Variants in HIP1 observed in about 807,000 individuals in gnomAD.
HIP1 encodes huntingtin interacting protein 1, also known as huntingtin-interacting protein 1.
HIP1 carries 65 observed loss-of-function variants against 147.6 expected under a neutral mutation model. The ratio of observed to expected loss-of-function variants is 0.44; its 90% CI spans 0.36 to 0.54. The LOEUF (loss-of-function observed/expected upper bound fraction) is 0.54, where lower values mean the gene tolerates loss of function less well. Among genes scored for constraint, HIP1 ranks in the 20% least tolerant of loss-of-function variants. HIP1 has a pLI of 0.00. For missense variants in HIP1, 1,061 were observed against 1,299.6 expected (o/e 0.82, Z 2.82); for synonymous variants, 479 against 504.0 (o/e 0.95, Z 0.67).
In HIP1 at chr7:75,641,556, A is replaced by G. The variant is rs1270854502; in HGVS notation, c.121-42309T>C. On this transcript the variant is annotated intron_variant, in intron 1 of 30. Transcript: ENST00000336926. ...GCCCAGGCTGGAGTGCAATGGTGCA[A>G]TCTCAGCTCACCACAACCTCTGCCT... 4.6e-5 allele frequency among the ~76,000 whole-genome samples: 7 copies of G among 150,578 alleles called. 1 individual carries two copies. Among genetic ancestry groups the G allele is most frequent in the African/African-American group, 1.7e-4 (7 of 40,776 alleles).
At chr7:75,676,387 G>T (rs373914969) in intron 1 of HIP1, among the ~76,000 whole-genome samples, 39 of 152,260 alleles carry the variant, frequency 2.6e-4, no homozygotes, top group East Asian at 2.1e-3. Context: ...CAGTCCAAGG[G>T]GGGTTATTAT....
At chr7:75,570,454 G>T (rs920880081) in intron 8 of HIP1, among the ~76,000 whole-genome samples, 4 of 150,244 alleles carry the variant, frequency 2.7e-5, no homozygotes, top group Non-Finnish European at 5.9e-5. Flanking sequence ...ACCACGCCCG[G>T]CTAATTTTTT....
intron 1 of HIP1, among the ~76,000 whole-genome samples, chr7:75,652,504 C>T (rs901090965): frequency 5.9e-5 from 9 of 152,032 alleles, no homozygotes. Context: ...GCTAGGACTA[C>T]AGGTGCGTGC....
chr7:75,642,250 C>G (rs143667803), intron 1 of HIP1, among the ~76,000 whole-genome samples: 3 of 151,780 alleles, frequency 2.0e-5, no homozygotes, highest in Non-Finnish European at 2.9e-5. Flanking sequence ...AACAAAAAAC[C>G]CTTCTGGTTG....
At chr7:75,639,599 G>A (rs868934746) in intron 1 of HIP1, among the ~76,000 whole-genome samples, 15 of 151,886 alleles carry the variant, frequency 9.9e-5, no homozygotes, top group African/African-American at 3.1e-4. Flanking sequence ...GTGTGCGCCC[G>A]CGTGTGTGTG....
chr7:75,561,312 G>A lies in HIP1; in HGVS notation c.1191+17C>T. On this transcript the variant is annotated intron_variant, in intron 13 of 30. Coordinates refer to ENST00000336926, the MANE Select transcript of HIP1 (RefSeq NM_005338.7). ...TGTTTTGGTGAAGCGCAAAGGCAGA[G>A]CAGATCCAAGTTATACCTCAGTCTT... 1 of 1,564,552 alleles carries A rather than the reference G, an allele frequency of 6.4e-7. No homozygotes were observed. Among genetic ancestry groups the A allele is most frequent in the Non-Finnish European group, 8.8e-7 (1 of 1,134,778 alleles).
chr7:75,576,469 C>G (rs1795849409), intron 7 of HIP1, among the ~76,000 whole-genome samples: 1 of 152,306 alleles, frequency 6.6e-6, no homozygotes, highest in African/African-American at 2.4e-5. Context: ...TGCCTGTAAT[C>G]CCAGCACTTT....
chr7:75,617,990 G>A (rs969387643), intron 1 of HIP1, among the ~76,000 whole-genome samples: 2 of 152,312 alleles, frequency 1.3e-5, no homozygotes, highest in Admixed American at 6.5e-5. Flanking sequence ...GTGGCCTTTC[G>A]TAATGGCCCT....
chr7:75,612,240 G>A (rs1797466982), intron 1 of HIP1, among the ~76,000 whole-genome samples: 1 of 152,192 alleles, frequency 6.6e-6, no homozygotes, highest in Admixed American at 6.5e-5. Context: ...GCCGGGCACG[G>A]TGGCTCCACC....
At chr7:75,578,245 A>G (rs1795912192) in intron 7 of HIP1, among the ~76,000 whole-genome samples, 3 of 152,326 alleles carry the variant, frequency 2.0e-5, no homozygotes, top group Middle Eastern at 3.4e-3. Context: ...GCAGGCAGGC[A>G]GCCGGCTCCA....
At chr7:75,587,241 C>T (rs1309190444) in intron 4 of HIP1, among the ~76,000 whole-genome samples, 1 of 152,178 alleles carries the variant, frequency 6.6e-6, no homozygotes, top group Non-Finnish European at 1.5e-5. Flanking sequence ...CCACCACGCC[C>T]AGCTAATTTT....
At chr7:75,541,628 G>A (rs890695726) in intron 29 of HIP1, among the ~76,000 whole-genome samples, 2 of 152,052 alleles carry the variant, frequency 1.3e-5, no homozygotes, top group Non-Finnish European at 1.5e-5. Flanking sequence ...CCTGGGAGGT[G>A]GAGAGTGCGG....
intron 1 of HIP1, among the ~76,000 whole-genome samples, chr7:75,606,346 G>A (rs587771339): frequency 2.6e-5 from 4 of 152,194 alleles, no homozygotes; most frequent in South Asian, 4.2e-4. Context: ...TTAGGAGGCC[G>A]AGGGGGGCAG....
chr7:75,678,502 C>G (rs1584944456), intron 1 of HIP1, among the ~76,000 whole-genome samples: 1 of 152,100 alleles, frequency 6.6e-6, no homozygotes, highest in South Asian at 2.1e-4. Context: ...CGCCACCACA[C>G]CCGGCTAATT....
intron 1 of HIP1, among the ~76,000 whole-genome samples, chr7:75,621,173 C>T (rs1442934425): frequency 6.6e-6 from 1 of 152,260 alleles, no homozygotes; most frequent in Admixed American, 6.5e-5. Context: ...GGCCACTGCA[C>T]TCTAGCCTGG....
At chr7:75,573,663 G>A (rs1351352113) in intron 8 of HIP1, 98 bp downstream of exon 8, 1 of 1,242,490 alleles carries the variant, frequency 8.0e-7, no homozygotes, top group African/African-American at 1.5e-5. Flanking sequence ...ACAGCCAAAG[G>A]CACTGAGAAG....
intron 1 of HIP1, among the ~76,000 whole-genome samples, chr7:75,610,971 G>A (rs1554504784): frequency 6.6e-6 from 1 of 150,448 alleles, no homozygotes; most frequent in East Asian, 2.0e-4. Context: ...AGTGGTGTGA[G>A]CTTGGCTCAC....
chr7:75,659,429 TG>T (rs1174234048), intron 1 of HIP1, among the ~76,000 whole-genome samples: 1 of 152,046 alleles, frequency 6.6e-6, no homozygotes, highest in Non-Finnish European at 1.5e-5. Context: ...GAGGCCAAGG[TG>T]TGTAGATCAC....
chr7:75,721,101 G>A (rs993850464), intron 1 of HIP1, among the ~76,000 whole-genome samples: 1 of 151,450 alleles, frequency 6.6e-6, no homozygotes, highest in Non-Finnish European at 1.5e-5. Flanking sequence ...TCACAGCCAT[G>A]CACGGTGGCT....
Sources: gnomAD v4.1 joint callset for allele counts (sites outside exome capture counted in the v4.1 genomes callset) on GRCh38, gnomAD v4.1.1 for gene constraint, MANE v1.5 for transcripts, NCBI Gene and HGNC (gene_info 2026-07-23, HGNC 2026-07-21) for gene names.